PRKAG2: variants seen among roughly 807,000 people sequenced by gnomAD.
PRKAG2 encodes the protein 5'-AMP-activated protein kinase subunit gamma-2.
In PRKAG2, 26 loss-of-function variants were observed where a neutral mutation model predicts 69.6. That is an observed-to-expected ratio of 0.37 (90% CI 0.27 to 0.52). The LOEUF (loss-of-function observed/expected upper bound fraction) is 0.52, where lower values mean the gene tolerates loss of function less well. Ranked by LOEUF, PRKAG2 falls within the 20% of genes least tolerant of loss-of-function variation. The pLI, the probability that PRKAG2 is intolerant of heterozygous loss-of-function variation, is 0.90. For synonymous variants in PRKAG2, 293 were observed against 285.0 expected, an observed-to-expected ratio of 1.03 and a Z score of -0.28; for missense variants, 557 against 740.0, an observed-to-expected ratio of 0.75 and a Z score of 2.87.
chr7:151,687,249 C>T (rs913109119), intron 3 of PRKAG2, among the ~76,000 whole-genome samples: 3 of 152,194 alleles, frequency 2.0e-5, no homozygotes, highest in South Asian at 4.1e-4. Flanking sequence ...ACATCATGGA[C>T]CCAAAACGTA....
At chr7:151,809,299 C>T (rs1403348128) in intron 1 of PRKAG2, 4 of 456,212 alleles carry the variant, frequency 8.8e-6, no homozygotes, top group South Asian at 1.6e-5. Context: ...TACCCCGAGA[C>T]GGGTGCAGAA....
At chr7:151,682,388 A>ACTT (rs1834012074) in intron 3 of PRKAG2, among the ~76,000 whole-genome samples, 1 of 151,934 alleles carries the variant, frequency 6.6e-6, no homozygotes, top group African/African-American at 2.4e-5. Context: ...CTCCAGGCAA[A>ACTT]TACCATTACA....
chr7:151,608,272 G>T (rs1246031092), intron 5 of PRKAG2, among the ~76,000 whole-genome samples: 1 of 152,188 alleles, frequency 6.6e-6, no homozygotes, highest in Non-Finnish European at 1.5e-5. Context: ...ATAAACTTCT[G>T]TTGTCTAAGC....
Position 151,835,072 on chromosome 7 carries a change from A to G in PRKAG2, c.114+41435T>C, listed in dbSNP as rs1023886071. Among the ~76,000 whole-genome samples, 6 of 152,128 alleles carry G rather than the reference A, an allele frequency of 3.9e-5. No individual in the cohort carries two copies. Among genetic ancestry groups the G allele is most frequent in the Non-Finnish European group, 7.4e-5 (5 of 68,010 alleles). On this transcript the variant is annotated intron_variant, in intron 1 of 15. Coordinates refer to ENST00000287878, the MANE Select transcript of PRKAG2 (RefSeq NM_016203.4). The surrounding 1 kb of genome is among the most constrained non-coding windows in gnomAD (Gnocchi z 4.1). Reference sequence around the variant, plus strand: ...TGTGGAAAAGGGCCAGCCTGCTCCAATGTGGCCTCATCAAAACTCATCACA... The same window carrying G: ...TGTGGAAAAGGGCCAGCCTGCTCCAGTGTGGCCTCATCAAAACTCATCACA...
chr7:151,679,360 C>T (rs948405034), intron 3 of PRKAG2, among the ~76,000 whole-genome samples: 1 of 152,190 alleles, frequency 6.6e-6, no homozygotes, highest in Non-Finnish European at 1.5e-5. Context: ...CCTGCAGCAA[C>T]AAAGTCTCCA....
At chr7:151,566,556 C>A (rs769761911) in intron 11 of PRKAG2, 2 of 449,652 alleles carry the variant, frequency 4.4e-6, no homozygotes, top group African/African-American at 4.0e-5. Context: ...ATAAGGTCTA[C>A]GGTTTCAAAA....
At chr7:151,700,162 G>A (rs560631996) in intron 3 of PRKAG2, among the ~76,000 whole-genome samples, 34 of 152,332 alleles carry the variant, frequency 2.2e-4, no homozygotes, top group African/African-American at 7.9e-4. Context: ...CGGGGGTGAC[G>A]TTTAGCAGCT....
intron 1 of PRKAG2, among the ~76,000 whole-genome samples, chr7:151,872,306 G>A (rs1435032341): frequency 1.3e-5 from 2 of 152,180 alleles, no homozygotes; most frequent in Non-Finnish European, 2.9e-5. Flanking sequence ...TTTTGCCAAA[G>A]TACTTGAGTT....
chr7:151,780,680 G>T lies in PRKAG2; in HGVS notation c.466+472C>A, dbSNP rs1350841381. On this transcript the variant is annotated intron_variant, in intron 3 of 15. Coordinates refer to ENST00000287878, the MANE Select transcript of PRKAG2 (RefSeq NM_016203.4). This position sits in a 1 kb window ranked among gnomAD's most constrained non-coding sequence, Gnocchi z 4.2. ...CTGCCCAGAGCCCCAAACAGAAAAAGTTAGGATTTGCCAGAAACAGGTGTA... is the reference window on the plus strand; with the variant it reads ...CTGCCCAGAGCCCCAAACAGAAAAATTTAGGATTTGCCAGAAACAGGTGTA... 2.0e-5 allele frequency among the ~76,000 whole-genome samples: 3 copies of T among 152,114 alleles called. No homozygotes were observed. The highest frequency in any genetic ancestry group is 2.0e-4 in the Admixed American group (3 of 15,268).
At chr7:151,589,661 C>A (rs1359996785) in intron 6 of PRKAG2, among the ~76,000 whole-genome samples, 1 of 152,230 alleles carries the variant, frequency 6.6e-6, no homozygotes, top group Admixed American at 6.5e-5. Context: ...CACGGCCGGG[C>A]ACGGTGGCTC....
rs1226343385 is a variant in PRKAG2, at chr7:151,632,204, G to A, written c.685-66C>T. On this transcript the variant is annotated intron_variant, in intron 4 of 15. Transcript: ENST00000287878. The surrounding 1 kb of genome is among the most constrained non-coding windows in gnomAD (Gnocchi z 4.2). The stretch of plus-strand genomic sequence containing the variant: ...ACGCTCGTCCCCGGCCGGCGGGCTC[G>A]CGGCCGGCCGAGCGCTGGGGCCTGG... The A allele has an allele frequency of 3.4e-6, 4 of 1,163,578 alleles. No individual in the cohort carries two copies. Among genetic ancestry groups the A allele is most frequent in the Non-Finnish European group, 4.2e-6 (4 of 941,970 alleles). 72.1% of individuals were successfully genotyped at this position (1,163,578 alleles called of 1,614,324 possible). A position where few individuals can be genotyped will look rare whatever the true frequency, so the allele number is the denominator to read the frequency against.
At chr7:151,757,264 T>G (rs1391297713) in intron 3 of PRKAG2, among the ~76,000 whole-genome samples, 1 of 152,174 alleles carries the variant, frequency 6.6e-6, no homozygotes, top group African/African-American at 2.4e-5. Flanking sequence ...AGACTTTTAT[T>G]TGAAAAATAA....
At position 151,688,042 on chromosome 7, in the gene PRKAG2, G is replaced by GCTCCCCC. The variant is rs1554539801; in HGVS notation, c.467-12406_467-12405insGGGGGAG. ...AGGAGGAGGAGGAGGAGGAAATGAGGCCCCCCCCCGGGCTCCTTGCTGAGT... is the reference window on the plus strand; with the variant it reads ...AGGAGGAGGAGGAGGAGGAAATGAGGCTCCCCCCCCCCCCCCGGGCTCCTTGCTGAGT... On this transcript the variant is annotated intron_variant, in intron 3 of 15. Coordinates refer to ENST00000287878, the MANE Select transcript of PRKAG2 (RefSeq NM_016203.4). Among the ~76,000 whole-genome samples the GCTCCCCC allele has an allele frequency of 1.5e-4, 16 of 106,982 alleles. 1 individual carries two copies. Among genetic ancestry groups the GCTCCCCC allele is most frequent in the Non-Finnish European group, 2.8e-4 (14 of 49,452 alleles). The allele number at this position is 106,982 out of a possible 152,430, so 70.2% of individuals were successfully genotyped here.
rs1394293028 is a variant in PRKAG2, at chr7:151,850,017, G to A, written c.114+26490C>T. Among the ~76,000 whole-genome samples, 7 of 152,192 alleles carry A rather than the reference G, an allele frequency of 4.6e-5. No homozygotes were observed. The highest frequency in any genetic ancestry group is 6.5e-5 in the Admixed American group (1 of 15,282). Reference sequence around the variant, plus strand: ...CAGCACGTTTGCCATTTTCCGGAGCGTGCTGTAGCTAGGCACAGAGAGGCT... The same window carrying A: ...CAGCACGTTTGCCATTTTCCGGAGCATGCTGTAGCTAGGCACAGAGAGGCT... On this transcript the variant is annotated intron_variant, in intron 1 of 15. Coordinates refer to ENST00000287878, the MANE Select transcript of PRKAG2 (RefSeq NM_016203.4). This position sits in a 1 kb window ranked among gnomAD's most constrained non-coding sequence, Gnocchi z 4.1.
chr7:151,778,131 C>T (rs1036764213), intron 3 of PRKAG2, among the ~76,000 whole-genome samples: 5 of 152,128 alleles, frequency 3.3e-5, no homozygotes, highest in East Asian at 1.9e-4. Flanking sequence ...GCTGGAGGCC[C>T]GTTTCCACAC....
chr7:151,559,061 T>TG (rs1804381573), intron 15 of PRKAG2: 2 of 985,300 alleles, frequency 2.0e-6, no homozygotes, highest in Non-Finnish European at 2.4e-6. Context: ...TATATACCTG[T>TG]GGGGATAAAT....
intron 5 of PRKAG2, among the ~76,000 whole-genome samples, chr7:151,608,046 C>T (rs781364013): frequency 1.1e-4 from 16 of 152,222 alleles, no homozygotes; most frequent in South Asian, 2.1e-4. Flanking sequence ...AGATGCAGCG[C>T]GGCACGGAGG....
At chr7:151,758,096 G>A (rs1449852743) in intron 3 of PRKAG2, among the ~76,000 whole-genome samples, 1 of 152,132 alleles carries the variant, frequency 6.6e-6, no homozygotes, top group African/African-American at 2.4e-5. Flanking sequence ...AGTAGCCTTC[G>A]GTGTAATCAA....
rs1292269026 is a variant in PRKAG2 at position 151,836,719 on chromosome 7, G to A, written c.114+39788C>T. Among the ~76,000 whole-genome samples the A allele has an allele frequency of 3.9e-5, 6 of 152,202 alleles. 1 individual carries two copies. The South Asian group carries it at 8.3e-4, about 21-fold the overall frequency. On this transcript the variant is annotated intron_variant, in intron 1 of 15. Transcript: ENST00000287878. The surrounding 1 kb of genome is among the most constrained non-coding windows in gnomAD (Gnocchi z 4.1). ...CCAGGGTCCTCAGGCCACAGCTCCT[G>A]GGCTGGAGAACTGTGAGGTAGGACC...
Sources: gnomAD v4.1 joint callset for allele counts (sites outside exome capture counted in the v4.1 genomes callset) on GRCh38, gnomAD v4.1.1 for gene constraint, Gnocchi (gnomAD v3.1) non-coding constraint, MANE v1.5 for transcripts, NCBI Gene and HGNC (gene_info 2026-07-23, HGNC 2026-07-21) for gene names.